Variants in MCC observed in about 807,000 individuals in gnomAD.
MCC encodes colorectal mutant cancer protein.
In MCC, 90 loss-of-function variants were observed where a neutral mutation model predicts 116.2. That is an observed-to-expected ratio of 0.77 (90% CI 0.65 to 0.92). The LOEUF is 0.92. MCC is among the 40% of genes least tolerant of loss of function. The pLI, the probability that MCC is intolerant of heterozygous loss-of-function variation, is 0.00. For missense variants in MCC, 1,516 were observed against 1,312.2 expected, an observed-to-expected ratio of 1.16 and a Z score of -2.40; for synonymous variants, 578 against 510.5, an observed-to-expected ratio of 1.13 and a Z score of -1.78.
chr5:113,466,160 G>C (rs1030660801), intron 1 of MCC, among the ~76,000 whole-genome samples: 4 of 124,750 alleles, frequency 3.2e-5, no homozygotes, highest in Non-Finnish European at 5.0e-5. Flanking sequence ...AGGTGAAGTT[G>C]AGTAGCCATT....
At chr5:113,205,473 T>C (rs1478405992) in intron 3 of MCC, among the ~76,000 whole-genome samples, 1 of 152,204 alleles carries the variant, frequency 6.6e-6, no homozygotes, top group Non-Finnish European at 1.5e-5. Flanking sequence ...CCATGTCCCT[T>C]GTGGGGCTTC....
At chr5:113,322,860 C>T (rs1767461779) in intron 3 of MCC, among the ~76,000 whole-genome samples, 1 of 152,178 alleles carries the variant, frequency 6.6e-6, no homozygotes, top group Admixed American at 6.5e-5. Context: ...CTACAATGAT[C>T]CCCATCTCCC....
chr5:113,211,559 G>A (rs1375477331), intron 3 of MCC, among the ~76,000 whole-genome samples: 1 of 152,174 alleles, frequency 6.6e-6, no homozygotes, highest in African/African-American at 2.4e-5. Context: ...GCTGACAAAG[G>A]AATCCTGCTC....
chr5:113,054,318 T>A (rs1752673641), intron 14 of MCC, among the ~76,000 whole-genome samples: 1 of 152,232 alleles, frequency 6.6e-6, no homozygotes, highest in South Asian at 2.1e-4. Flanking sequence ...GACATTACAG[T>A]GATAATTGTA....
intron 3 of MCC, among the ~76,000 whole-genome samples, chr5:113,169,914 T>C (rs1233582103): frequency 1.3e-5 from 2 of 152,316 alleles, no homozygotes; most frequent in East Asian, 3.9e-4. Flanking sequence ...TCGGCATAAA[T>C]GATAACATTT....
intron 16 of MCC, chr5:113,044,524 G>C: frequency 2.1e-6 from 2 of 974,406 alleles, no homozygotes; most frequent in Middle Eastern, 5.3e-4. Context: ...CTGCAGACCT[G>C]AGAATAAAAA....
At chr5:113,354,781 T>TGTA (rs1768368927) in intron 2 of MCC, among the ~76,000 whole-genome samples, 1 of 75,704 alleles carries the variant, frequency 1.3e-5, no homozygotes, top group Non-Finnish European at 2.9e-5. Context: ...CCATATACCC[T>TGTA]GTATTATTAT....
At chr5:113,305,010 A>C (rs1000578847) in intron 3 of MCC, among the ~76,000 whole-genome samples, 1 of 123,562 alleles carries the variant, frequency 8.1e-6, no homozygotes, top group Non-Finnish European at 1.6e-5. Flanking sequence ...CAAAAGGGGC[A>C]AAAAAAAAAA....
In MCC at chr5:113,026,854, C is replaced by G. The variant is rs142508692; in HGVS notation, c.*448G>C. 283 of 156,844 alleles carry G rather than the reference C, an allele frequency of 1.8e-3. 1 individual carries two copies. Among genetic ancestry groups the G allele is most frequent in the African/African-American group, 6.5e-3 (269 of 41,698 alleles). The allele number at this position is 156,844 out of a possible 1,614,324, so 9.7% of individuals were successfully genotyped here. Reference sequence around the variant, plus strand: ...TCCTTTTAAATGCTGGAGGCACACACAGGTCTGTTTTCCCATGAAGCAGGA... The same window carrying G: ...TCCTTTTAAATGCTGGAGGCACACAGAGGTCTGTTTTCCCATGAAGCAGGA... On this transcript the variant is annotated 3_prime_UTR_variant, in exon 19 of 19. Coordinates refer to ENST00000408903, the MANE Select transcript of MCC (RefSeq NM_001085377.2).
intron 3 of MCC, among the ~76,000 whole-genome samples, chr5:113,186,557 C>G (rs1761907676): frequency 6.6e-6 from 1 of 152,156 alleles, no homozygotes; most frequent in Non-Finnish European, 1.5e-5. Flanking sequence ...CCTGCCCTGC[C>G]TGGCACTTGA....
At chr5:113,188,635 C>T (rs999533848) in intron 3 of MCC, among the ~76,000 whole-genome samples, 1 of 152,120 alleles carries the variant, frequency 6.6e-6, no homozygotes, top group Non-Finnish European at 1.5e-5. Context: ...AGAGACCAGC[C>T]CACATCTAAC....
chr5:113,455,130 T>C (rs565892158), intron 1 of MCC, among the ~76,000 whole-genome samples: 1 of 152,316 alleles, frequency 6.6e-6, no homozygotes, highest in South Asian at 2.1e-4. Flanking sequence ...TTTTCAAAAG[T>C]ACTGAGATCC....
intron 17 of MCC, among the ~76,000 whole-genome samples, chr5:113,036,126 C>T (rs775392086): frequency 7.2e-6 from 1 of 138,298 alleles, no homozygotes; most frequent in Non-Finnish European, 1.5e-5. Flanking sequence ...AACCTCCAAC[C>T]CCTAGGGTTC....
At chr5:113,374,983 C>A (rs977719518) in intron 2 of MCC, among the ~76,000 whole-genome samples, 1 of 135,732 alleles carries the variant, frequency 7.4e-6, no homozygotes, top group African/African-American at 2.9e-5. Flanking sequence ...CAGAGTGAGA[C>A]CCTGTCTCAA....
intron 3 of MCC, among the ~76,000 whole-genome samples, chr5:113,323,570 A>G (rs1384323644): frequency 6.6e-6 from 1 of 152,218 alleles, no homozygotes; most frequent in East Asian, 1.9e-4. Flanking sequence ...GTGTGGCCAG[A>G]GCAAATTCCT....
chr5:113,320,804 AT>A (rs1244845340), intron 3 of MCC, among the ~76,000 whole-genome samples: 3 of 152,200 alleles, frequency 2.0e-5, no homozygotes, highest in African/African-American at 7.2e-5. Context: ...TATAGGTGAG[AT>A]CTTGCTCTTA....
intron 1 of MCC, among the ~76,000 whole-genome samples, chr5:113,466,891 T>C (rs1771924893): frequency 2.0e-5 from 3 of 152,234 alleles, no homozygotes; most frequent in Non-Finnish European, 4.4e-5. Context: ...TGGTGTGAGA[T>C]GGTATCTCAC....
intron 15 of MCC, among the ~76,000 whole-genome samples, chr5:113,050,627 A>C (rs1424823359): frequency 6.6e-6 from 1 of 152,254 alleles, no homozygotes; most frequent in Non-Finnish European, 1.5e-5. Context: ...GAGCCTTCGG[A>C]TCTTTTGCCA....
chr5:113,442,259 T>A (rs1416928314), intron 1 of MCC, among the ~76,000 whole-genome samples: 1 of 152,240 alleles, frequency 6.6e-6, no homozygotes, highest in East Asian at 1.9e-4. Flanking sequence ...CCAGTGATGA[T>A]GAGCATTTTT....
Sources: gnomAD v4.1 joint callset for allele counts (sites outside exome capture counted in the v4.1 genomes callset) on GRCh38, gnomAD v4.1.1 for gene constraint, MANE v1.5 for transcripts, NCBI Gene and HGNC (gene_info 2026-07-23, HGNC 2026-07-21) for gene names.